RBFOX1: variants seen among roughly 807,000 people sequenced by gnomAD.
RBFOX1 encodes the protein RNA binding fox-1 homolog 1, also known as RNA binding protein fox-1 homolog 1.
In RBFOX1, 8 loss-of-function variants were observed where a neutral mutation model predicts 57.7. The observed-to-expected ratio is 0.14, with a 90% CI of 0.08 to 0.25. RBFOX1 has a LOEUF of 0.25. RBFOX1 is among the 10% of genes least tolerant of loss of function. The pLI is 1.00. For synonymous variants in RBFOX1, 326 were observed against 222.4 expected, an observed-to-expected ratio of 1.47 and a Z score of -4.15; for missense variants, 611 against 548.5, an observed-to-expected ratio of 1.11 and a Z score of -1.14.
chr16:6,889,659 C>A (rs890447955), intron 3 of RBFOX1, among the ~76,000 whole-genome samples: 1 of 152,190 alleles, frequency 6.6e-6, no homozygotes. Flanking sequence ...AATCCACCAG[C>A]TTCCACCATG....
intron 1 of RBFOX1, among the ~76,000 whole-genome samples, chr16:6,151,734 C>G (rs58053042): frequency 0.025 from 3,750 of 152,264 alleles, 149 homozygotes; most frequent in African/African-American, 0.082. Context: ...ACCAGGAAAA[C>G]TACACAGTGT....
intron 4 of RBFOX1, among the ~76,000 whole-genome samples, chr16:7,300,646 A>T (rs185980764): frequency 6.6e-5 from 10 of 152,326 alleles, no homozygotes; most frequent in Admixed American, 1.3e-4. Flanking sequence ...TGCTATTTCA[A>T]CAGCCTTGGG....
chr16:5,373,249 C>A (rs1253724839), intron 1 of RBFOX1, among the ~76,000 whole-genome samples: 1 of 152,018 alleles, frequency 6.6e-6, no homozygotes. Context: ...AGATATGGAC[C>A]CCAATTTTAG....
intron 4 of RBFOX1, among the ~76,000 whole-genome samples, chr16:5,929,239 G>T (rs1408317674): frequency 6.6e-6 from 1 of 151,824 alleles, no homozygotes; most frequent in Non-Finnish European, 1.5e-5. Flanking sequence ...CTTTCTAAGG[G>T]GTCTCTGAGG....
At chr16:5,933,543 C>G (rs529899529) in intron 4 of RBFOX1, among the ~76,000 whole-genome samples, 1 of 152,260 alleles carries the variant, frequency 6.6e-6, no homozygotes, top group Non-Finnish European at 1.5e-5. Flanking sequence ...GGAAAAGTGA[C>G]TTAGGAACAA....
chr16:7,035,270 C>T (rs575861280), intron 3 of RBFOX1, among the ~76,000 whole-genome samples: 3 of 152,158 alleles, frequency 2.0e-5, no homozygotes, highest in Admixed American at 2.0e-4. Context: ...GGATTCCGCA[C>T]CCTCCCCTTC....
At chr16:5,800,303 C>A (rs551799219) in intron 3 of RBFOX1, among the ~76,000 whole-genome samples, 1 of 152,132 alleles carries the variant, frequency 6.6e-6, no homozygotes, top group African/African-American at 2.4e-5. Context: ...TAGTCCATTT[C>A]GTTACTCATG....
At chr16:6,957,102 T>TTA (rs2082005866) in intron 3 of RBFOX1, among the ~76,000 whole-genome samples, 1 of 139,946 alleles carries the variant, frequency 7.1e-6, no homozygotes, top group Non-Finnish European at 1.6e-5. Flanking sequence ...TTTATTTTAT[T>TTA]TTTTTATTTT....
At chr16:7,540,565 C>A (rs959563569) in intron 5 of RBFOX1, among the ~76,000 whole-genome samples, 1 of 152,194 alleles carries the variant, frequency 6.6e-6, no homozygotes, top group Non-Finnish European at 1.5e-5. Flanking sequence ...TTATACAACA[C>A]ATCTGATGAT....
intron 4 of RBFOX1, among the ~76,000 whole-genome samples, chr16:5,987,968 C>T (rs566574155): frequency 1.3e-5 from 2 of 151,706 alleles, no homozygotes; most frequent in Non-Finnish European, 2.9e-5. Context: ...GCTTGATTTT[C>T]CTGAGGCCCC....
intron 3 of RBFOX1, among the ~76,000 whole-genome samples, chr16:6,869,675 C>T (rs1385790619): frequency 1.3e-5 from 2 of 152,172 alleles, no homozygotes; most frequent in African/African-American, 4.8e-5. Flanking sequence ...CTTCTCAAAA[C>T]AAATTCTAGG....
intron 3 of RBFOX1, among the ~76,000 whole-genome samples, chr16:5,738,837 G>C (rs1338809626): frequency 2.0e-5 from 3 of 152,092 alleles, no homozygotes; most frequent in African/African-American, 7.2e-5. Flanking sequence ...GCTGAAATCA[G>C]CTAGCTCATC....
chr16:5,590,268 C>G (rs1459863936), intron 2 of RBFOX1, among the ~76,000 whole-genome samples: 1 of 152,144 alleles, frequency 6.6e-6, no homozygotes, highest in Non-Finnish European at 1.5e-5. Flanking sequence ...AAAAACCGAG[C>G]TCACTTGCAT....
chr16:6,680,476 G>C (rs1452117523), intron 3 of RBFOX1, among the ~76,000 whole-genome samples: 2 of 151,922 alleles, frequency 1.3e-5, no homozygotes, highest in African/African-American at 4.8e-5. Context: ...TGTTAGCCAC[G>C]ATGGTCTCGA....
intron 3 of RBFOX1, among the ~76,000 whole-genome samples, chr16:6,871,753 G>A (rs2060923753): frequency 6.6e-6 from 1 of 152,034 alleles, no homozygotes; most frequent in African/African-American, 2.4e-5. Context: ...CATCATTCTT[G>A]CTGAAATTTC....
At chr16:6,725,602 A>G (rs979973586) in intron 3 of RBFOX1, among the ~76,000 whole-genome samples, 2 of 152,088 alleles carry the variant, frequency 1.3e-5, no homozygotes, top group Non-Finnish European at 2.9e-5. Flanking sequence ...TCCAACCATC[A>G]GCTCTTGGGG....
intron 3 of RBFOX1, among the ~76,000 whole-genome samples, chr16:5,707,210 C>G (rs1415196175): frequency 6.6e-6 from 1 of 152,182 alleles, no homozygotes; most frequent in Non-Finnish European, 1.5e-5. Flanking sequence ...GTAACTATCT[C>G]TAATTCATCC....
intron 4 of RBFOX1, among the ~76,000 whole-genome samples, chr16:7,090,738 C>T (rs573030553): frequency 5.4e-4 from 82 of 152,268 alleles, no homozygotes; most frequent in African/African-American, 1.4e-3. Context: ...TTTTGATTCA[C>T]CAAACTTGGC....
chr16:7,512,290 G>A (rs898156621), intron 4 of RBFOX1, among the ~76,000 whole-genome samples: 1 of 152,186 alleles, frequency 6.6e-6, no homozygotes, highest in African/African-American at 2.4e-5. Flanking sequence ...AGTGGAAAAG[G>A]TGCCCTTAAT....
Sources: gnomAD v4.1 joint callset for allele counts (sites outside exome capture counted in the v4.1 genomes callset) on GRCh38, gnomAD v4.1.1 for gene constraint, MANE v1.5 for transcripts, NCBI Gene and HGNC (gene_info 2026-07-23, HGNC 2026-07-21) for gene names.